Variants in FAT3 observed in about 807,000 individuals in gnomAD.
FAT3 encodes protocadherin Fat 3.
Under a neutral mutation model 310.2 loss-of-function variants are expected in FAT3, and 95 were observed. The ratio of observed to expected loss-of-function variants is 0.31; its 90% CI spans 0.26 to 0.36. The LOEUF is 0.36. Ranked by LOEUF, FAT3 falls within the 10% of genes least tolerant of loss-of-function variation. FAT3 has a pLI of 1.00. For missense variants in FAT3, 5,408 were observed against 5,715.6 expected, an observed-to-expected ratio of 0.95 and a Z score of 1.74; for synonymous variants, 2,314 against 2,192.9, an observed-to-expected ratio of 1.06 and a Z score of -1.54.
intron 2 of FAT3, among the ~76,000 whole-genome samples, chr11:92,388,811 C>T (rs2134800739): frequency 6.6e-6 from 1 of 152,262 alleles, no homozygotes; most frequent in South Asian, 2.1e-4. Context: ...AAATTCTTTA[C>T]AGAAGAATGC....
rs1260236821 is a variant in FAT3, at chr11:92,883,541, T to C, written c.12937+148T>C. ...TGATGTCGAATGTGCACACCAGCTC[T>C]GGAAAATTGTCCTGGTTCTGGTTCC... On this transcript the variant is annotated intron_variant, in intron 24 of 27. Coordinates refer to ENST00000525166, the MANE Select transcript of FAT3 (RefSeq NM_001367949.2). The surrounding 1 kb of genome is among the most constrained non-coding windows in gnomAD (Gnocchi z 4.2). 2 of 1,124,508 alleles carry C rather than the reference T, an allele frequency of 1.8e-6. No homozygotes were observed. The highest frequency in any genetic ancestry group is 2.5e-6 in the Non-Finnish European group (2 of 808,322). The allele number at this position is 1,124,508 out of a possible 1,614,324, so 69.7% of individuals were successfully genotyped here.
At chr11:92,310,967 C>CT (rs1171231263) in intron 1 of FAT3, among the ~76,000 whole-genome samples, 1 of 150,804 alleles carries the variant, frequency 6.6e-6, no homozygotes, top group East Asian at 1.9e-4. Context: ...ATTTAAAAAA[C>CT]TTTTTTTGAG....
chr11:92,817,430 A>T (rs1025375646), intron 13 of FAT3, among the ~76,000 whole-genome samples: 8 of 152,146 alleles, frequency 5.3e-5, no homozygotes, highest in Non-Finnish European at 1.2e-4. Flanking sequence ...CACTAAGAGA[A>T]CTTATCTTTT....
intron 3 of FAT3, among the ~76,000 whole-genome samples, chr11:92,664,240 A>G (rs974220660): frequency 2.0e-5 from 3 of 152,220 alleles, no homozygotes; most frequent in Non-Finnish European, 2.9e-5. Flanking sequence ...AGTAATTGAA[A>G]GTACATAAAG....
intron 5 of FAT3, among the ~76,000 whole-genome samples, chr11:92,762,931 G>A (rs1468620784): frequency 6.6e-6 from 1 of 152,110 alleles, no homozygotes; most frequent in Non-Finnish European, 1.5e-5. Context: ...GCCGAGGCAG[G>A]CGGATCACTT....
intron 1 of FAT3, among the ~76,000 whole-genome samples, chr11:92,323,931 C>G (rs1019613883): frequency 6.6e-6 from 1 of 152,188 alleles, no homozygotes; most frequent in Admixed American, 6.5e-5. Flanking sequence ...GTTGCTTCAG[C>G]GCTTGCTGCC....
intron 2 of FAT3, among the ~76,000 whole-genome samples, chr11:92,415,739 A>G (rs1397579546): frequency 1.3e-5 from 2 of 152,092 alleles, no homozygotes; most frequent in Non-Finnish European, 2.9e-5. Context: ...TGCAACGTGC[A>G]AATGGGGACC....
chr11:92,449,707 C>T (rs1951308257), intron 2 of FAT3, among the ~76,000 whole-genome samples: 1 of 152,090 alleles, frequency 6.6e-6, no homozygotes, highest in Admixed American at 6.5e-5. Flanking sequence ...AGTCTTTGTA[C>T]TTATGTACCT....
intron 21 of FAT3, among the ~76,000 whole-genome samples, chr11:92,859,803 T>C (rs1029834305): frequency 1.3e-5 from 2 of 152,340 alleles, no homozygotes; most frequent in Admixed American, 1.3e-4. Flanking sequence ...TTCAGTCATT[T>C]CCTAGCCTCA....
rs957965088 is a variant in FAT3, at chr11:92,812,466, C to G, written c.9481+2390C>G. On this transcript the variant is annotated intron_variant, in intron 13 of 27. Transcript: ENST00000525166. ...CATGGTGGTACTACGCCTGTAGTCC[C>G]AGCTACTCGGGAAGCTGAGGCAGAA... is the stretch of plus-strand genomic sequence containing the variant. Among the ~76,000 whole-genome samples, 9 of 151,894 alleles carry G rather than the reference C, an allele frequency of 5.9e-5. No homozygotes were observed. In the East Asian group the frequency reaches 1.7e-3, roughly 29 times the overall value.
intron 4 of FAT3, among the ~76,000 whole-genome samples, chr11:92,708,717 G>A (rs1164585088): frequency 6.6e-6 from 1 of 152,194 alleles, no homozygotes; most frequent in Non-Finnish European, 1.5e-5. Context: ...TAATAAGATA[G>A]CATCTATGAA....
chr11:92,677,081 C>T (rs983616804), intron 3 of FAT3, among the ~76,000 whole-genome samples: 1 of 152,186 alleles, frequency 6.6e-6, no homozygotes, highest in African/African-American at 2.4e-5. Flanking sequence ...CTGTTACAGG[C>T]GAGATACTGG....
intron 7 of FAT3, among the ~76,000 whole-genome samples, chr11:92,782,165 ATTT>A (rs1946770655): frequency 6.6e-6 from 1 of 152,054 alleles, no homozygotes; most frequent in Admixed American, 6.6e-5. Flanking sequence ...AATAATAATA[ATTT>A]TTTAATTAGC....
chr11:92,409,597 CTG>C (rs1950207949), intron 2 of FAT3, among the ~76,000 whole-genome samples: 1 of 152,086 alleles, frequency 6.6e-6, no homozygotes, highest in Non-Finnish European at 1.5e-5. Flanking sequence ...GGAAAAAAAG[CTG>C]TGTTTTAAAG....
intron 2 of FAT3, among the ~76,000 whole-genome samples, chr11:92,480,575 T>A (rs1952194840): frequency 6.6e-6 from 1 of 152,192 alleles, no homozygotes; most frequent in South Asian, 2.1e-4. Flanking sequence ...AAACAAATCT[T>A]CTAGTTCTCT....
intron 4 of FAT3, among the ~76,000 whole-genome samples, chr11:92,710,133 A>G (rs1365693719): frequency 3.3e-5 from 5 of 152,248 alleles, no homozygotes; most frequent in Non-Finnish European, 5.9e-5. Flanking sequence ...TAAAAAATGC[A>G]TAAGTACTCA....
chr11:92,308,864 AAT>A (rs1947210526), intron 1 of FAT3, among the ~76,000 whole-genome samples: 1 of 152,132 alleles, frequency 6.6e-6, no homozygotes, highest in African/African-American at 2.4e-5. Flanking sequence ...ATAAAAAAAA[AAT>A]AGCAGACCCA....
intron 2 of FAT3, among the ~76,000 whole-genome samples, chr11:92,504,431 G>T (rs943595027): frequency 2.0e-5 from 3 of 152,002 alleles, no homozygotes; most frequent in Non-Finnish European, 4.4e-5. Context: ...AAAGACTGTT[G>T]GTCCTGAACA....
intron 3 of FAT3, among the ~76,000 whole-genome samples, chr11:92,599,177 C>A (rs1334850658): frequency 1.3e-5 from 2 of 152,122 alleles, no homozygotes; most frequent in Non-Finnish European, 2.9e-5. Context: ...TAAAGACATA[C>A]CCAAGACTGA....
Sources: gnomAD v4.1 joint callset for allele counts (sites outside exome capture counted in the v4.1 genomes callset) on GRCh38, gnomAD v4.1.1 for gene constraint, Gnocchi (gnomAD v3.1) non-coding constraint, MANE v1.5 for transcripts, NCBI Gene and HGNC (gene_info 2026-07-23, HGNC 2026-07-21) for gene names.